TBCCD1: variants seen among roughly 807,000 people sequenced by gnomAD.
TBCCD1 encodes TBCC domain containing 1, also known as TBCC domain-containing protein 1.
A neutral mutation model predicts 53.4 loss-of-function variants in TBCCD1; 26 were observed. The ratio of observed to expected loss-of-function variants is 0.49; its 90% confidence interval spans 0.36 to 0.68. The LOEUF (loss-of-function observed/expected upper bound fraction) is 0.68. Among genes scored for constraint, TBCCD1 ranks in the 30% least tolerant of loss-of-function variants. The pLI is 0.00. For missense variants in TBCCD1, 558 were observed against 669.5 expected (o/e 0.83, Z 1.84); for synonymous variants, 245 against 241.7 (o/e 1.01, Z -0.13).
In TBCCD1 at chr3:186,546,084, A is replaced by G. The variant is rs923111781; in HGVS notation, c.*893T>C. On this transcript the variant is annotated 3_prime_UTR_variant, in exon 8 of 8. Coordinates refer to ENST00000338733, the MANE Select transcript of TBCCD1 (RefSeq NM_018138.5). ...GGAAATTATTCTTTAGAGTTTGTTT[A>G]TTGAAAATTTGAAGCAGGAAGTGAA... 1 of 152,208 alleles carries G rather than the reference A, an allele frequency of 6.6e-6. No homozygotes were observed. Among genetic ancestry groups the G allele is most frequent in the Admixed American group, 6.5e-5 (1 of 15,286 alleles). The allele number at this position is 152,208 out of a possible 1,614,324, so 9.4% of individuals were successfully genotyped here. A position where few individuals can be genotyped will look rare whatever the true frequency, so the allele number is the denominator to read the frequency against.
intron 5 of TBCCD1, 70 bp from the exon 6 acceptor site, chr3:186,554,821 T>A (rs1204973150): frequency 2.5e-6 from 4 of 1,594,104 alleles, no homozygotes; most frequent in Non-Finnish European, 3.4e-6. Flanking sequence ...AATATTATTA[T>A]CTGATGGCAA....
At chr3:186,550,999 A>G (rs1358854683) in intron 7 of TBCCD1, 130 bp downstream of exon 7, 1 of 820,724 alleles carries the variant, frequency 1.2e-6, no homozygotes, top group Non-Finnish European at 1.8e-6. Flanking sequence ...TGGGTACATA[A>G]AGGTCCGTGT....
Position 186,554,909 on chromosome 3 carries a change from G to C in TBCCD1, c.1035C>G (p.Leu345=), listed in dbSNP as rs141952801. 21 of 1,613,688 alleles carry C rather than the reference G, an allele frequency of 1.3e-5. No individual in the cohort carries two copies. The East Asian group carries it at 1.3e-4, about 10-fold the overall frequency. ...AAAACTGTGCTTACCGTAAGGGAGAGAGCAGATATATAAAAGATTCGTTGC... is the reference window on the plus strand; with the variant it reads ...AAAACTGTGCTTACCGTAAGGGAGACAGCAGATATATAAAAGATTCGTTGC... ...HRCNESFIYL[L]SPLRSVTIEK... is the part of the protein sequence containing the mutation. The change falls in exon 5 of 8, where the codon CTC becomes CTG. Residue 345 remains leucine, a synonymous_variant. Coordinates refer to ENST00000338733, the MANE Select transcript of TBCCD1 (RefSeq NM_018138.5).
chr3:186,557,162 C>A (rs560966289), intron 3 of TBCCD1, among the ~76,000 whole-genome samples: 1 of 152,162 alleles, frequency 6.6e-6, no homozygotes, highest in Non-Finnish European at 1.5e-5. Flanking sequence ...TCAGAGAGGT[C>A]GTGCTGTAGT....
chr3:186,552,332 T>G (rs983326691), intron 6 of TBCCD1, among the ~76,000 whole-genome samples: 1 of 152,210 alleles, frequency 6.6e-6, no homozygotes, highest in Non-Finnish European at 1.5e-5. Flanking sequence ...GGCCTTGGTG[T>G]AGGATCTGGA....
chr3:186,564,931 C>T (rs114432351), intron 1 of TBCCD1, among the ~76,000 whole-genome samples: 422 of 152,212 alleles, frequency 2.8e-3, no homozygotes, highest in African/African-American at 9.6e-3. Flanking sequence ...ACAGTGAACC[C>T]ACTCTAGCAT....
chr3:186,563,636 T>C (rs1215717718), intron 2 of TBCCD1, among the ~76,000 whole-genome samples: 1 of 152,250 alleles, frequency 6.6e-6, no homozygotes, highest in African/African-American at 2.4e-5. Context: ...GAGTAAGGTC[T>C]GGTAAGTAAG....
rs139985093 is a variant in TBCCD1, at chr3:186,554,439, G to A, written c.1359C>T (p.Ser453=). Residue 453 remains serine (S), a synonymous_variant, in exon 6 of 8, where the codon AGC becomes AGT. Transcript: ENST00000338733. ...DNPMVVCREN[S]DTRVFQLLPP... is the part of the protein sequence containing the mutation. ...GTAAAAGCTGGAAGACTCTTGTGTCGCTGTTCTCTCTGCACACAACCATTG... is the reference window on the plus strand; with the variant it reads ...GTAAAAGCTGGAAGACTCTTGTGTCACTGTTCTCTCTGCACACAACCATTG... 1.8e-4 allele frequency: 288 copies of A among 1,614,194 alleles called. 1 individual carries two copies. The African/African-American group carries it at 2.5e-3, about 14-fold the overall frequency.
chr3:186,559,729 A>G (rs1335725267), intron 2 of TBCCD1, among the ~76,000 whole-genome samples: 2 of 152,190 alleles, frequency 1.3e-5, no homozygotes, highest in African/African-American at 4.8e-5. Flanking sequence ...TCTTAATTGA[A>G]CTTCTGAGAT....
At chr3:186,549,076 C>G (rs1401628429) in intron 7 of TBCCD1, among the ~76,000 whole-genome samples, 1 of 151,680 alleles carries the variant, frequency 6.6e-6, no homozygotes. Context: ...CACCTGAGGT[C>G]AGGAGTTCAA....
chr3:186,569,439 C>T (rs1017007014), upstream of TBCCD1, among the ~76,000 whole-genome samples: 1 of 151,982 alleles, frequency 6.6e-6, no homozygotes, highest in Non-Finnish European at 1.5e-5. Flanking sequence ...CTGCCTCAGG[C>T]TCCCGAGCAG....
Position 186,564,174 on chromosome 3 carries a change from G to A in TBCCD1, c.156C>T (p.Leu52=), listed in dbSNP as rs556003748. 3.7e-6 allele frequency: 6 copies of A among 1,614,096 alleles called. No individual in the cohort carries two copies. The highest frequency in any genetic ancestry group is 5.1e-6 in the Non-Finnish European group (6 of 1,180,052). Reference sequence around the variant, plus strand: ...CGATGTGCCTCCATGTAGACCAGTAGAGGCGCGGGTAAGCTCCTTCTGTGG... The same window carrying A: ...CGATGTGCCTCCATGTAGACCAGTAAAGGCGCGGGTAAGCTCCTTCTGTGG... ...IRATEGAYPR[L]YWSTWRHIAC... Residue 52 remains leucine (L), a synonymous_variant, in exon 2 of 8, where the codon CTC becomes CTT. Coordinates refer to ENST00000338733, the MANE Select transcript of TBCCD1 (RefSeq NM_018138.5).
intron 2 of TBCCD1, among the ~76,000 whole-genome samples, chr3:186,561,565 G>A (rs1165247929): frequency 1.3e-5 from 2 of 152,146 alleles, no homozygotes; most frequent in African/African-American, 2.4e-5. Context: ...CGAGGCAGGC[G>A]GATCATGAGG....
At chr3:186,552,293 G>A (rs1459525331) in intron 6 of TBCCD1, among the ~76,000 whole-genome samples, 1 of 152,198 alleles carries the variant, frequency 6.6e-6, no homozygotes, top group Non-Finnish European at 1.5e-5. Flanking sequence ...GCTCCTGACA[G>A]CCAGGAGCTA....
chr3:186,547,837 G>C (rs1714257831), intron 7 of TBCCD1, among the ~76,000 whole-genome samples: 1 of 151,562 alleles, frequency 6.6e-6, no homozygotes, highest in Non-Finnish European at 1.5e-5. Flanking sequence ...TTGATCTCCT[G>C]ACCTCGTGAT....
At chr3:186,559,773 C>T (rs1211224000) in intron 2 of TBCCD1, among the ~76,000 whole-genome samples, 4 of 152,252 alleles carry the variant, frequency 2.6e-5, no homozygotes, top group Admixed American at 2.0e-4. Context: ...TGAGAATTCA[C>T]ACAGAAAGAT....
chr3:186,570,447 C>T, upstream of TBCCD1: 4 of 484,812 alleles, frequency 8.3e-6, no homozygotes, highest in Non-Finnish European at 1.4e-5. Context: ...ACCTCAGGTG[C>T]CCTCACTCTG....
At position 186,556,722 on chromosome 3, in the gene TBCCD1, G is replaced by C. The variant is rs1714554248; in HGVS notation, c.546C>G (p.Leu182=). 1.2e-6 allele frequency: 2 copies of C among 1,614,134 alleles called. No individual in the cohort carries two copies. Among genetic ancestry groups the C allele is most frequent in the East Asian group, 4.5e-5 (2 of 44,892 alleles). The change falls in exon 4 of 8, where the codon CTC becomes CTG. Residue 182 remains leucine, a synonymous_variant. Coordinates refer to ENST00000338733, the MANE Select transcript of TBCCD1 (RefSeq NM_018138.5). The stretch of plus-strand genomic sequence containing the variant: ...GTTTTGGATCTAAAAGCAGCTCGAG[G>C]AGATCAGACAGATGATCATAGACAA... ...QAFVYDHLSD[L]LELLLDPKQL... is the part of the protein sequence containing the mutation.
chr3:186,561,231 A>ATTATATATT (rs1714678939), intron 2 of TBCCD1, among the ~76,000 whole-genome samples: 1 of 152,246 alleles, frequency 6.6e-6, no homozygotes, highest in African/African-American at 2.4e-5. Context: ...GAACTCCTGC[A>ATTATATATT]GCTCAATAGC....
Sources: allele counts gnomAD v4.1 joint callset (sites outside exome capture counted in the v4.1 genomes callset), GRCh38; gene constraint gnomAD v4.1.1; transcripts MANE v1.5; gene names NCBI Gene and HGNC (gene_info 2026-07-23, HGNC 2026-07-21).